The following KLHL32 variants were observed in gnomAD, a reference collection of about 807,000 sequenced individuals.
The protein encoded by KLHL32 is kelch like family member 32.
In KLHL32, 35 loss-of-function variants were observed where a neutral mutation model predicts 64.8. That is an observed-to-expected ratio of 0.54 (90% CI 0.41 to 0.72). The LOEUF (loss-of-function observed/expected upper bound fraction) is 0.72, where lower values mean the gene tolerates loss of function less well. Among genes scored for constraint, KLHL32 ranks in the 30% least tolerant of loss-of-function variants. KLHL32 has a pLI of 0.00. For synonymous variants in KLHL32, 259 were observed against 281.0 expected, an observed-to-expected ratio of 0.92 and a Z score of 0.78; for missense variants, 589 against 768.5, an observed-to-expected ratio of 0.77 and a Z score of 2.76.
At chr6:97,138,820 T>TTGTC (rs1374062925) in intron 10 of KLHL32, among the ~76,000 whole-genome samples, 3 of 152,188 alleles carry the variant, frequency 2.0e-5, no homozygotes, top group Admixed American at 6.5e-5. Context: ...GTTATTTAAC[T>TTGTC]TGTCTAAGGC....
chr6:96,955,127 C>T (rs1469729073), intron 1 of KLHL32, among the ~76,000 whole-genome samples: 1 of 152,090 alleles, frequency 6.6e-6, no homozygotes, highest in Non-Finnish European at 1.5e-5. Context: ...CTGTCATTAC[C>T]CAATTACCTC....
At position 97,052,570 on chromosome 6, in the gene KLHL32, C is replaced by G. The variant is rs543662973; in HGVS notation, c.312+10971C>G. Among the ~76,000 whole-genome samples the G allele has an allele frequency of 4.5e-4, 68 of 152,310 alleles. 2 individuals carry two copies. In the South Asian group the frequency reaches 0.013, roughly 29 times the overall value. ...CCAGCAGGGCATTCCGGCGTGCAGG[C>G]TGTAGGTCAGTCCTCATGGTTGGTG... On this transcript the variant is annotated intron_variant, in intron 4 of 10. Coordinates refer to ENST00000369261, the MANE Select transcript of KLHL32 (RefSeq NM_052904.4).
chr6:96,994,643 A>G (rs1778227952), intron 3 of KLHL32: 1 of 982,894 alleles, frequency 1.0e-6, no homozygotes, highest in African/African-American at 1.7e-5. Flanking sequence ...TGTTTAAAAT[A>G]TGATTAATGA....
chr6:97,009,991 A>G, intron 3 of KLHL32, among the ~76,000 whole-genome samples: 1 of 152,102 alleles, frequency 6.6e-6, no homozygotes, highest in Non-Finnish European at 1.5e-5. Flanking sequence ...TCCAGCCTGC[A>G]GCCTGGAGAA....
chr6:97,116,569 T>C (rs1005788258), intron 7 of KLHL32, among the ~76,000 whole-genome samples: 16 of 152,232 alleles, frequency 1.1e-4, no homozygotes, highest in Admixed American at 1.0e-3. Flanking sequence ...TATGAATTTC[T>C]CATAAATATT....
chr6:97,123,435 A>G (rs1324785543), intron 7 of KLHL32, among the ~76,000 whole-genome samples: 2 of 152,160 alleles, frequency 1.3e-5, no homozygotes, highest in Non-Finnish European at 2.9e-5. Flanking sequence ...TGTTGGTAGC[A>G]TGGTGGTAAC....
chr6:96,960,999 G>A (rs552448287), intron 1 of KLHL32, among the ~76,000 whole-genome samples: 1 of 152,278 alleles, frequency 6.6e-6, no homozygotes, highest in African/African-American at 2.4e-5. Flanking sequence ...TAGATTGTAA[G>A]TCAGTTGTCT....
intron 3 of KLHL32, among the ~76,000 whole-genome samples, chr6:97,034,016 G>A (rs1347932312): frequency 1.3e-5 from 2 of 151,946 alleles, no homozygotes; most frequent in Non-Finnish European, 2.9e-5. Flanking sequence ...CCTTTGGTAT[G>A]CATAAGGTTT....
At chr6:97,091,751 C>A (rs1794271680) in intron 6 of KLHL32, among the ~76,000 whole-genome samples, 1 of 152,164 alleles carries the variant, frequency 6.6e-6, no homozygotes, top group South Asian at 2.1e-4. Context: ...TAGTTGTATG[C>A]ACCCTCTAAA....
intron 5 of KLHL32, among the ~76,000 whole-genome samples, chr6:97,067,522 G>C (rs749383247): frequency 5.3e-5 from 8 of 152,160 alleles, no homozygotes; most frequent in Admixed American, 1.3e-4. Context: ...CTTGTTTCTA[G>C]CCTCAATCTG....
chr6:97,051,189 A>G (rs1213665196), intron 4 of KLHL32, among the ~76,000 whole-genome samples: 1 of 152,194 alleles, frequency 6.6e-6, no homozygotes, highest in Non-Finnish European at 1.5e-5. Flanking sequence ...GATAATATAG[A>G]TGACAAGGAT....
At chr6:96,944,179 G>C (rs951944880) in intron 1 of KLHL32, among the ~76,000 whole-genome samples, 1 of 152,142 alleles carries the variant, frequency 6.6e-6, no homozygotes, top group South Asian at 2.1e-4. Flanking sequence ...TGATCATGCT[G>C]ACACCAGTAA....
rs192824949 is a variant in KLHL32 at position 97,037,489 on chromosome 6, A to G, written c.205-4003A>G. 3.0e-3 allele frequency among the ~76,000 whole-genome samples: 453 copies of G among 152,292 alleles called. 3 individuals carry two copies. The highest frequency in any genetic ancestry group is 0.01 in the Middle Eastern group (3 of 294). ...GAATCAATTTAACCAAAGAAGTAAA[A>G]TATCTATACAAGGAAAACTATAAAA... On this transcript the variant is annotated intron_variant, in intron 3 of 10. Transcript: ENST00000369261.
At chr6:97,137,383 A>G (rs961023447) in intron 10 of KLHL32, among the ~76,000 whole-genome samples, 1 of 152,182 alleles carries the variant, frequency 6.6e-6, no homozygotes, top group African/African-American at 2.4e-5. Context: ...GTGACAGGGT[A>G]TATTGTTCAA....
intron 4 of KLHL32, among the ~76,000 whole-genome samples, chr6:97,053,607 C>T (rs1321880212): frequency 1.3e-5 from 2 of 152,024 alleles, no homozygotes; most frequent in African/African-American, 2.4e-5. Flanking sequence ...CTGCTTTCTT[C>T]GGATGCCCAT....
chr6:96,951,802 A>C (rs1275481178), intron 1 of KLHL32, among the ~76,000 whole-genome samples: 2 of 152,150 alleles, frequency 1.3e-5, no homozygotes, highest in East Asian at 3.8e-4. Context: ...ATAATCCACA[A>C]GGCTTGTTAT....
At chr6:97,002,445 CTA>C (rs1350544054) in intron 3 of KLHL32, among the ~76,000 whole-genome samples, 2 of 152,050 alleles carry the variant, frequency 1.3e-5, no homozygotes, top group African/African-American at 4.8e-5. Flanking sequence ...TTTTCAAACT[CTA>C]TGAAGAACCC....
intron 6 of KLHL32, among the ~76,000 whole-genome samples, chr6:97,091,119 G>C (rs771771270): frequency 6.6e-6 from 1 of 152,226 alleles, no homozygotes; most frequent in Admixed American, 6.5e-5. Flanking sequence ...CCAAAGGGCA[G>C]GTTCACCTGA....
chr6:97,004,860 G>A (rs1167626555), intron 3 of KLHL32, among the ~76,000 whole-genome samples: 1 of 152,028 alleles, frequency 6.6e-6, no homozygotes, highest in Non-Finnish European at 1.5e-5. Flanking sequence ...TTGATGTGCT[G>A]CTGGGTCTGG....
Sources: gnomAD v4.1 joint callset for allele counts (sites outside exome capture counted in the v4.1 genomes callset) on GRCh38, gnomAD v4.1.1 for gene constraint, MANE v1.5 for transcripts, NCBI Gene and HGNC (gene_info 2026-07-23, HGNC 2026-07-21) for gene names.